DIP2C: variants seen among roughly 807,000 people sequenced by gnomAD.
DIP2C encodes the protein disco-interacting protein 2 homolog C.
DIP2C carries 33 observed loss-of-function variants against 192.4 expected under a neutral mutation model. The ratio of observed to expected loss-of-function variants is 0.17; its 90% CI spans 0.13 to 0.23. DIP2C has a LOEUF of 0.23. Among genes scored for constraint, DIP2C ranks in the 10% least tolerant of loss-of-function variants. The pLI is 1.00. For synonymous variants in DIP2C, 979 were observed against 864.1 expected, an observed-to-expected ratio of 1.13 and a Z score of -2.33; for missense variants, 1,537 against 2,110.1, an observed-to-expected ratio of 0.73 and a Z score of 5.32.
At chr10:638,110 G>A (rs898181435) in intron 1 of DIP2C, among the ~76,000 whole-genome samples, 20 of 152,152 alleles carry the variant, frequency 1.3e-4, no homozygotes, top group Admixed American at 6.5e-4. Context: ...GGTAACGTCA[G>A]CTGGGCACCG....
chr10:590,378 G>A (rs546312210), intron 1 of DIP2C, among the ~76,000 whole-genome samples: 1 of 152,346 alleles, frequency 6.6e-6, no homozygotes, highest in South Asian at 2.1e-4. Context: ...CTCTGGAAAG[G>A]CTAAATGACT....
chr10:617,655 AC>A (rs3049602), intron 1 of DIP2C, among the ~76,000 whole-genome samples: 1 of 132,324 alleles, frequency 7.6e-6, no homozygotes, highest in Non-Finnish European at 1.6e-5. Context: ...TGTGGATACC[AC>A]CCCCCCACCC....
chr10:512,465 CT>C (rs1472757808), intron 1 of DIP2C, among the ~76,000 whole-genome samples: 3 of 152,166 alleles, frequency 2.0e-5, no homozygotes, highest in Non-Finnish European at 4.4e-5. Context: ...GTCCCAGCTA[CT>C]CAGGGTGCTG....
chr10:429,870 G>C (rs116839449), intron 4 of DIP2C, among the ~76,000 whole-genome samples: 2 of 152,062 alleles, frequency 1.3e-5, no homozygotes, highest in African/African-American at 2.4e-5. Context: ...GTATGTAGAC[G>C]TAAGTTTTCA....
rs905088818 is a variant in DIP2C, at chr10:666,810, A to G, written c.85+22684T>C. On this transcript the variant is annotated intron_variant, in intron 1 of 36. Transcript: ENST00000280886. The surrounding 1 kb of genome is among the most constrained non-coding windows in gnomAD (Gnocchi z 4.1). ...CCTACTTCCCCAGGCCTACGGGGAC[A>G]GATGTAGCTCCCCAGGAAATACCAC... 6.6e-6 allele frequency: 1 copy of G among 152,268 alleles called. No homozygotes were observed. The highest frequency in any genetic ancestry group is 2.4e-5 in the African/African-American group (1 of 41,446). 9.4% of individuals were successfully genotyped at this position (152,268 alleles called of 1,614,324 possible). A position where few individuals can be genotyped will look rare whatever the true frequency, so the allele number is the denominator to read the frequency against.
intron 32 of DIP2C, among the ~76,000 whole-genome samples, chr10:299,596 A>T (rs1454025237): frequency 6.6e-6 from 1 of 152,242 alleles, no homozygotes; most frequent in Non-Finnish European, 1.5e-5. Context: ...TTTCTTGGCT[A>T]CCACACCAAA....
chr10:651,015 C>T lies in DIP2C; in HGVS notation c.85+38479G>A, dbSNP rs1356911744. 5.6e-6 allele frequency: 4 copies of T among 717,334 alleles called. No individual in the cohort carries two copies. Among genetic ancestry groups the T allele is most frequent in the East Asian group, 5.4e-5 (2 of 37,298 alleles). 44.4% of individuals were successfully genotyped at this position (717,334 alleles called of 1,614,324 possible). ...TCTCCCGGTGCCAGGGCTCAGGCCC[C>T]AGCCCCCGTTTCTGCAGAAGCCCCT... On this transcript the variant is annotated intron_variant, in intron 1 of 36. Transcript: ENST00000280886. The surrounding 1 kb of genome is among the most constrained non-coding windows in gnomAD (Gnocchi z 4.1).
At chr10:464,560 G>GAA (rs1436321550) in intron 3 of DIP2C, among the ~76,000 whole-genome samples, 1 of 34,688 alleles carries the variant, frequency 2.9e-5, no homozygotes, top group Non-Finnish European at 2.5e-4. Context: ...AACCATTGTG[G>GAA]AAGAGTGTGG....
chr10:410,481 A>C (rs1965114563), intron 8 of DIP2C, among the ~76,000 whole-genome samples: 2 of 152,112 alleles, frequency 1.3e-5, no homozygotes, highest in Admixed American at 6.5e-5. Flanking sequence ...AGGGGATTTT[A>C]TTTTCCTGGA....
chr10:590,458 C>T (rs1342875885), intron 1 of DIP2C, among the ~76,000 whole-genome samples: 2 of 152,220 alleles, frequency 1.3e-5, no homozygotes, highest in Admixed American at 6.5e-5. Flanking sequence ...TGCGAACCCA[C>T]GCCGAACCTC....
Position 527,863 on chromosome 10 carries a change from C to T in DIP2C, c.86-41333G>A, listed in dbSNP as rs1019553917. Reference sequence around the variant, plus strand: ...ATCCTTCCCGTCCCTGGGCCAGCTGCGGTGAGTGCAGCCAGTTGTTCACCA... The same window carrying T: ...ATCCTTCCCGTCCCTGGGCCAGCTGTGGTGAGTGCAGCCAGTTGTTCACCA... On this transcript the variant is annotated intron_variant, in intron 1 of 36. Transcript: ENST00000280886. Among the ~76,000 whole-genome samples the T allele has an allele frequency of 3.3e-5, 5 of 152,198 alleles. No homozygotes were observed. The South Asian group carries it at 8.3e-4, about 25-fold the overall frequency.
At chr10:335,637 G>T (rs1281299526) in intron 29 of DIP2C, among the ~76,000 whole-genome samples, 1 of 152,236 alleles carries the variant, frequency 6.6e-6, no homozygotes, top group African/African-American at 2.4e-5. Context: ...CACATGGGGA[G>T]ATCCAGGACA....
At chr10:294,818 A>G (rs552556567) in intron 32 of DIP2C, among the ~76,000 whole-genome samples, 1 of 152,286 alleles carries the variant, frequency 6.6e-6, no homozygotes, top group African/African-American at 2.4e-5. Context: ...ATAAGCAAAT[A>G]GGATTATAAA....
At chr10:484,817 T>G (rs567277602) in intron 2 of DIP2C, 1 of 1,611,256 alleles carries the variant, frequency 6.2e-7, no homozygotes, top group East Asian at 2.2e-5. Flanking sequence ...TTCCCTGCGG[T>G]GCTGGCCACC....
chr10:357,058 C>T (rs1037851085), intron 23 of DIP2C, among the ~76,000 whole-genome samples: 5 of 152,186 alleles, frequency 3.3e-5, no homozygotes, highest in African/African-American at 1.2e-4. Flanking sequence ...AAGGGGCAGC[C>T]TTATTTCACA....
At chr10:536,576 G>A (rs1342977604) in intron 1 of DIP2C, among the ~76,000 whole-genome samples, 1 of 152,230 alleles carries the variant, frequency 6.6e-6, no homozygotes, top group African/African-American at 2.4e-5. Context: ...GGCTAGGACT[G>A]GGACATAAGT....
chr10:345,258 G>C, intron 26 of DIP2C, 148 bp from the exon 27 acceptor site: 2 of 810,172 alleles, frequency 2.5e-6, no homozygotes, highest in Non-Finnish European at 4.1e-6. Flanking sequence ...GCTGGCTAAG[G>C]TAGGACAGAG....
chr10:582,011 CG>C, intron 1 of DIP2C, among the ~76,000 whole-genome samples: 2 of 152,216 alleles, frequency 1.3e-5, no homozygotes, highest in Admixed American at 1.3e-4. Flanking sequence ...AGATCCCTCA[CG>C]CACAGTTTAC....
At chr10:352,127 C>G (rs1328504842) in intron 24 of DIP2C, among the ~76,000 whole-genome samples, 1 of 152,250 alleles carries the variant, frequency 6.6e-6, no homozygotes, top group Non-Finnish European at 1.5e-5. Flanking sequence ...ACTGTTTCTT[C>G]CCCATCTCTG....
Sources: gnomAD v4.1 joint callset for allele counts (sites outside exome capture counted in the v4.1 genomes callset) on GRCh38, gnomAD v4.1.1 for gene constraint, Gnocchi (gnomAD v3.1) non-coding constraint, MANE v1.5 for transcripts, NCBI Gene and HGNC (gene_info 2026-07-23, HGNC 2026-07-21) for gene names.